Variants in FGF14 observed in about 807,000 individuals in gnomAD.
FGF14 encodes the protein fibroblast growth factor 14.
Under a neutral mutation model 25.5 loss-of-function variants are expected in FGF14, and 5 were observed. That is an observed-to-expected ratio of 0.20 (90% CI 0.10 to 0.41). FGF14 has a LOEUF of 0.41. Ranked by LOEUF, FGF14 falls within the 10% of genes least tolerant of loss-of-function variation. The pLI, the probability that FGF14 is intolerant of heterozygous loss-of-function variation, is 1.00. For missense variants in FGF14, 222 were observed against 320.1 expected, an observed-to-expected ratio of 0.69 and a Z score of 2.34; for synonymous variants, 138 against 118.3, an observed-to-expected ratio of 1.17 and a Z score of -1.08.
intron 1 of FGF14, among the ~76,000 whole-genome samples, chr13:102,187,980 A>G (rs942234839): frequency 2.6e-5 from 4 of 152,230 alleles, no homozygotes; most frequent in African/African-American, 9.6e-5. Flanking sequence ...GTAGACACCT[A>G]AGAAGCTGAT....
intron 1 of FGF14, among the ~76,000 whole-genome samples, chr13:101,887,345 T>TAC (rs888418186): frequency 5.4e-4 from 81 of 150,090 alleles, no homozygotes; most frequent in Middle Eastern, 3.5e-3. Context: ...TATATATATA[T>TAC]ACACACACAC....
intron 1 of FGF14, among the ~76,000 whole-genome samples, chr13:102,015,796 A>G (rs1436380604): frequency 2.6e-5 from 4 of 152,162 alleles, no homozygotes; most frequent in African/African-American, 9.7e-5. Flanking sequence ...TTACCTAAAT[A>G]GAAAAAAAAT....
chr13:101,864,911 C>A (rs1446193844), intron 3 of FGF14, among the ~76,000 whole-genome samples: 1 of 152,040 alleles, frequency 6.6e-6, no homozygotes, highest in African/African-American at 2.4e-5. Flanking sequence ...GAATTGTAAA[C>A]CCCATAATTA....
chr13:102,222,220 T>C (rs2050644475), intron 1 of FGF14, among the ~76,000 whole-genome samples: 1 of 152,196 alleles, frequency 6.6e-6, no homozygotes, highest in Non-Finnish European at 1.5e-5. Context: ...TCGAGGACTT[T>C]GTTTACACTG....
intron 1 of FGF14, among the ~76,000 whole-genome samples, chr13:102,089,064 C>T (rs989484475): frequency 4.6e-5 from 7 of 152,170 alleles, no homozygotes; most frequent in Non-Finnish European, 1.0e-4. Context: ...TTTCTGCCAT[C>T]ATAGATACAG....
intron 1 of FGF14, among the ~76,000 whole-genome samples, chr13:102,141,781 T>C (rs554056692): frequency 2.0e-5 from 3 of 152,224 alleles, no homozygotes; most frequent in African/African-American, 7.2e-5. Context: ...CAGCTTTCTC[T>C]GACTTACTGC....
In FGF14 at chr13:102,137,777, A is replaced by G. The variant is rs1380209984; in HGVS notation, c.209-262481T>C. On this transcript the variant is annotated intron_variant, in intron 1 of 4. Coordinates refer to the FGF14 transcript ENST00000376131. ...TTGTACTATTGTGTTATTGTCTTTTAGGGCCATAAGTTAGATCACATCCTT... is the reference window on the plus strand; with the variant it reads ...TTGTACTATTGTGTTATTGTCTTTTGGGGCCATAAGTTAGATCACATCCTT... 2.0e-5 allele frequency among the ~76,000 whole-genome samples: 3 copies of G among 151,978 alleles called. No individual in the cohort carries two copies. The East Asian group carries it at 5.9e-4, about 30-fold the overall frequency.
At chr13:101,905,255 A>G (rs1359929554) in intron 1 of FGF14, among the ~76,000 whole-genome samples, 1 of 152,196 alleles carries the variant, frequency 6.6e-6, no homozygotes, top group Non-Finnish European at 1.5e-5. Context: ...ACGCACATGT[A>G]TGTTTATTGC....
At chr13:101,889,023 C>T (rs542731314) in intron 1 of FGF14, among the ~76,000 whole-genome samples, 1 of 152,104 alleles carries the variant, frequency 6.6e-6, no homozygotes, top group Non-Finnish European at 1.5e-5. Flanking sequence ...GGACCTCAGA[C>T]AACTACAGGT....
chr13:102,085,770 T>C (rs997886953), intron 1 of FGF14, among the ~76,000 whole-genome samples: 1 of 152,196 alleles, frequency 6.6e-6, no homozygotes, highest in Non-Finnish European at 1.5e-5. Context: ...TCTTTGGCTG[T>C]TGGAAAGTCA....
chr13:101,918,194 C>A (rs770096522), upstream of FGF14, among the ~76,000 whole-genome samples: 17 of 152,058 alleles, frequency 1.1e-4, no homozygotes, highest in Non-Finnish European at 1.8e-4. Flanking sequence ...GTGGAGGGCA[C>A]CCGAAAAAAA....
At chr13:102,005,752 C>A (rs1482301931) in intron 1 of FGF14, among the ~76,000 whole-genome samples, 2 of 152,168 alleles carry the variant, frequency 1.3e-5, no homozygotes, top group Admixed American at 1.3e-4. Context: ...AAATGTCAAT[C>A]TTTCCTGAAA....
intron 1 of FGF14, among the ~76,000 whole-genome samples, chr13:101,927,498 T>G (rs764901271): frequency 6.6e-6 from 1 of 152,204 alleles, no homozygotes; most frequent in African/African-American, 2.4e-5. Context: ...GATTCATTTA[T>G]GTCATGGGTA....
At chr13:101,803,100 T>G (rs1469072305) in intron 3 of FGF14, among the ~76,000 whole-genome samples, 3 of 152,094 alleles carry the variant, frequency 2.0e-5, no homozygotes, top group Non-Finnish European at 4.4e-5. Context: ...GTTTGGATTT[T>G]TTTTAGTTAA....
At chr13:101,991,261 T>G (rs2038886886) in intron 1 of FGF14, among the ~76,000 whole-genome samples, 1 of 152,166 alleles carries the variant, frequency 6.6e-6, no homozygotes, top group African/African-American at 2.4e-5. Context: ...ACCTAATATA[T>G]TCTTGAATTT....
chr13:102,161,672 A>C (rs559821189), intron 1 of FGF14, among the ~76,000 whole-genome samples: 1 of 41,458 alleles, frequency 2.4e-5, no homozygotes. Context: ...AAGAAGAAGA[A>C]GAAGAAGAAG....
intron 1 of FGF14, among the ~76,000 whole-genome samples, chr13:102,030,103 T>G (rs980624937): frequency 1.3e-5 from 2 of 152,108 alleles, no homozygotes; most frequent in Admixed American, 6.6e-5. Flanking sequence ...TGAGAGATTT[T>G]TCATTTATAA....
intron 1 of FGF14, among the ~76,000 whole-genome samples, chr13:101,889,907 C>T (rs891104682): frequency 1.3e-5 from 2 of 152,154 alleles, no homozygotes; most frequent in Admixed American, 1.3e-4. Context: ...AAATGATTTC[C>T]TATGACTCTA....
At chr13:101,795,756 G>A (rs138495730) in intron 3 of FGF14, among the ~76,000 whole-genome samples, 114 of 152,158 alleles carry the variant, frequency 7.5e-4, no homozygotes, top group African/African-American at 2.6e-3. Context: ...ACACAATCAC[G>A]GTACATCAAG....
Sources: gnomAD v4.1 joint callset for allele counts (sites outside exome capture counted in the v4.1 genomes callset) on GRCh38, gnomAD v4.1.1 for gene constraint, MANE v1.5 for transcripts, NCBI Gene and HGNC (gene_info 2026-07-23, HGNC 2026-07-21) for gene names.